The following ELL variants were observed in gnomAD, a reference collection of about 807,000 sequenced individuals.
The protein encoded by ELL is RNA polymerase II elongation factor ELL.
In ELL, 18 loss-of-function variants were observed where a neutral mutation model predicts 64.0. That is an observed-to-expected ratio of 0.28 (90% confidence interval 0.19 to 0.42). The LOEUF (loss-of-function observed/expected upper bound fraction) is 0.42. Ranked by LOEUF, ELL falls within the 10% of genes least tolerant of loss-of-function variation. The pLI is 1.00. For synonymous variants in ELL, 399 were observed against 376.2 expected, an observed-to-expected ratio of 1.06 and a Z score of -0.70; for missense variants, 797 against 870.4, an observed-to-expected ratio of 0.92 and a Z score of 1.06.
intron 1 of ELL, among the ~76,000 whole-genome samples, chr19:18,513,315 G>A (rs1237653501): frequency 5.9e-5 from 9 of 152,176 alleles, no homozygotes; most frequent in South Asian, 2.1e-4. Context: ...TGCAGCATCC[G>A]GACATCCCCA....
intron 11 of ELL, 143 bp downstream of exon 11, chr19:18,445,081 G>T: frequency 8.1e-7 from 1 of 1,239,718 alleles, no homozygotes; most frequent in South Asian, 1.3e-5. Flanking sequence ...AGCTGGGGGT[G>T]GTGGGGCAAC....
chr19:18,495,315 G>A (rs1975625506), intron 1 of ELL, among the ~76,000 whole-genome samples: 1 of 152,102 alleles, frequency 6.6e-6, no homozygotes, highest in Non-Finnish European at 1.5e-5. Flanking sequence ...CTGGGGGAGG[G>A]CCTGGCCCCA....
At chr19:18,507,681 T>C (rs1419165940) in intron 1 of ELL, among the ~76,000 whole-genome samples, 2 of 152,224 alleles carry the variant, frequency 1.3e-5, no homozygotes, top group African/African-American at 4.8e-5. Context: ...TCCTGCTTCT[T>C]ACTGGAGAAA....
At chr19:18,459,932 AAC>A (rs1281681251) in intron 5 of ELL, among the ~76,000 whole-genome samples, 2 of 152,176 alleles carry the variant, frequency 1.3e-5, no homozygotes, top group Non-Finnish European at 2.9e-5. Context: ...TCAGGTTGGC[AAC>A]AGTTTCCTTC....
At chr19:18,469,090 T>C (rs984614987) in intron 2 of ELL, among the ~76,000 whole-genome samples, 2 of 150,632 alleles carry the variant, frequency 1.3e-5, no homozygotes, top group Non-Finnish European at 3.0e-5. Context: ...TGGCGGGGAG[T>C]AGGGGCTGCA....
Position 18,451,589 on chromosome 19 carries a change from G to T in ELL, c.929C>A (p.Pro310His), listed in dbSNP as rs758492537. ...GGCCGAGCGCCCACGCTCGCCTGGG[G>T]GGCTGGAGGCAGCAGGGTCTCCAAG... is the stretch of plus-strand genomic sequence containing the variant. ...SLLGDPAASS[P>H]PGERGRSASP... The change falls in exon 7 of 12, where the codon CCC (proline) becomes CAC (histidine). Residue 310 changes from proline to histidine, a missense_variant. Pro to His is a moderately conservative substitution (Grantham distance 77). Transcript: ENST00000262809. 20 of 1,498,160 alleles carry T rather than the reference G, an allele frequency of 1.3e-5. No homozygotes were observed. Among genetic ancestry groups the T allele is most frequent in the Non-Finnish European group, 1.8e-5 (20 of 1,131,622 alleles). The allele number at this position is 1,498,160 out of a possible 1,614,324, so 92.8% of individuals were successfully genotyped here. A position where few individuals can be genotyped will look rare whatever the true frequency, so the allele number is the denominator to read the frequency against.
At chr19:18,468,713 T>C (rs1481832931) in intron 2 of ELL, among the ~76,000 whole-genome samples, 1 of 152,200 alleles carries the variant, frequency 6.6e-6, no homozygotes, top group East Asian at 1.9e-4. Context: ...TGCCAGTGGC[T>C]CCTGCCCCAC....
intron 1 of ELL, among the ~76,000 whole-genome samples, chr19:18,510,844 G>A (rs371921294): frequency 5.3e-5 from 8 of 152,306 alleles, no homozygotes; most frequent in African/African-American, 1.4e-4. Context: ...AAATGAGGCC[G>A]GGAGCAGTGT....
At chr19:18,515,638 T>G (rs1272073018) in intron 1 of ELL, among the ~76,000 whole-genome samples, 1 of 152,166 alleles carries the variant, frequency 6.6e-6, no homozygotes, top group Non-Finnish European at 1.5e-5. Flanking sequence ...TCCACTTTCT[T>G]GGGGGAGGGG....
intron 1 of ELL, among the ~76,000 whole-genome samples, chr19:18,487,974 C>T (rs1391197954): frequency 1.3e-5 from 2 of 152,214 alleles, no homozygotes; most frequent in African/African-American, 4.8e-5. Flanking sequence ...AGCCCTGTGC[C>T]TGCCGGCCCC....
At chr19:18,462,893 C>T (rs2144916248) in intron 4 of ELL, among the ~76,000 whole-genome samples, 1 of 152,298 alleles carries the variant, frequency 6.6e-6, no homozygotes, top group East Asian at 1.9e-4. Flanking sequence ...AGCCTTAGGC[C>T]TGGTCAAGCT....
intron 8 of ELL, among the ~76,000 whole-genome samples, chr19:18,447,307 T>C (rs1364256291): frequency 6.6e-6 from 1 of 152,240 alleles, no homozygotes; most frequent in East Asian, 1.9e-4. Context: ...AAAGACAAGA[T>C]GGCCAGCAGG....
intron 2 of ELL, among the ~76,000 whole-genome samples, chr19:18,472,221 C>T (rs932841560): frequency 2.6e-5 from 4 of 152,060 alleles, no homozygotes; most frequent in Non-Finnish European, 4.4e-5. Context: ...CCTCAGCATC[C>T]CAAAGTCCTG....
chr19:18,451,013 G>A (rs546775293), intron 7 of ELL, 38 bp from the exon 8 acceptor site: 5 of 1,489,088 alleles, frequency 3.4e-6, no homozygotes, highest in South Asian at 1.4e-5. Context: ...GGGGAGCACA[G>A]AGTGGCTGAG....
intron 4 of ELL, among the ~76,000 whole-genome samples, 169 bp from the exon 5 acceptor site, chr19:18,462,021 GAGCGC>G (rs1485243058): frequency 9.2e-5 from 14 of 152,332 alleles, no homozygotes; most frequent in Admixed American, 7.2e-4. Flanking sequence ...GGGCGACCAA[GAGCGC>G]CACCTGCTGC....
chr19:18,463,517 T>C (rs1044685365), intron 4 of ELL, among the ~76,000 whole-genome samples: 4 of 151,760 alleles, frequency 2.6e-5, no homozygotes, highest in African/African-American at 2.4e-5. Flanking sequence ...GTATTTTTAG[T>C]AGAGATGGGG....
chr19:18,491,318 G>A (rs1253310776), intron 1 of ELL, among the ~76,000 whole-genome samples: 1 of 134,266 alleles, frequency 7.4e-6, no homozygotes, highest in African/African-American at 2.8e-5. Flanking sequence ...TTACTGTGTT[G>A]CCCAGGCTGG....
intron 1 of ELL, 96 bp downstream of exon 1, chr19:18,521,825 T>C: frequency 2.7e-6 from 4 of 1,463,298 alleles, no homozygotes; most frequent in Non-Finnish European, 3.6e-6. Context: ...ACCACAGACC[T>C]AGCGTCTCCG....
intron 1 of ELL, among the ~76,000 whole-genome samples, chr19:18,514,742 C>T (rs150567418): frequency 1.3e-5 from 2 of 152,248 alleles, no homozygotes; most frequent in South Asian, 2.1e-4. Flanking sequence ...GAAAGCACAA[C>T]GGGGAGCAAG....
Sources: allele counts gnomAD v4.1 joint callset (sites outside exome capture counted in the v4.1 genomes callset), GRCh38; gene constraint gnomAD v4.1.1; transcripts MANE v1.5; gene names NCBI Gene and HGNC (gene_info 2026-07-23, HGNC 2026-07-21).